The following WWOX variants were observed in gnomAD, a reference collection of about 807,000 sequenced individuals.
The protein encoded by WWOX is WW domain containing oxidoreductase.
WWOX carries 69 observed loss-of-function variants against 46.2 expected under a neutral mutation model. The ratio of observed to expected loss-of-function variants is 1.49; its 90% CI spans 1.23 to 1.82. WWOX has a LOEUF of 1.82. WWOX is among the 40% of genes most tolerant of loss of function. The pLI is 0.00. For synonymous variants in WWOX, 359 were observed against 202.6 expected (o/e 1.77, Z -6.56); for missense variants, 919 against 542.6 (o/e 1.69, Z -6.89).
rs986078026 is a variant in WWOX at position 78,100,163 on chromosome 16, A to T, written c.107+278A>T. 8 of 1,292,318 alleles carry T rather than the reference A, an allele frequency of 6.2e-6. No homozygotes were observed. The African/African-American group carries it at 1.3e-4, about 20-fold the overall frequency. The allele number at this position is 1,292,318 out of a possible 1,614,324, so 80.1% of individuals were successfully genotyped here. A position where few individuals can be genotyped will look rare whatever the true frequency, so the allele number is the denominator to read the frequency against. ...GGCGCGGCGAGGGCAAAGCGGCCTC[A>T]TCCCCGCCAAAAAATAAAGATGTTT... is the stretch of plus-strand genomic sequence containing the variant. On this transcript the variant is annotated intron_variant, in intron 1 of 8. Coordinates refer to ENST00000566780, the MANE Select transcript of WWOX (RefSeq NM_016373.4).
intron 8 of WWOX, among the ~76,000 whole-genome samples, chr16:78,798,554 A>G (rs914515094): frequency 4.0e-5 from 6 of 150,666 alleles, no homozygotes; most frequent in African/African-American, 1.5e-4. Context: ...TAGCTATGCA[A>G]TATATTCCTC....
At chr16:78,809,353 G>C (rs2051129892) in intron 8 of WWOX, among the ~76,000 whole-genome samples, 2 of 148,602 alleles carry the variant, frequency 1.3e-5, no homozygotes, top group African/African-American at 5.0e-5. Flanking sequence ...TGGTATTCTA[G>C]GAAGAAAAAA....
intron 8 of WWOX, among the ~76,000 whole-genome samples, chr16:78,953,827 G>A (rs1465670833): frequency 4.6e-5 from 7 of 152,128 alleles, no homozygotes; most frequent in African/African-American, 1.7e-4. Flanking sequence ...GGGCATGATC[G>A]AGCCACTCTC....
chr16:78,768,957 C>A (rs947297054), intron 8 of WWOX, among the ~76,000 whole-genome samples: 1 of 152,128 alleles, frequency 6.6e-6, no homozygotes, highest in Non-Finnish European at 1.5e-5. Context: ...TTTTGAGCAT[C>A]AGAATAAAAC....
At chr16:78,776,081 C>T (rs887404074) in intron 8 of WWOX, among the ~76,000 whole-genome samples, 3 of 152,194 alleles carry the variant, frequency 2.0e-5, no homozygotes, top group Non-Finnish European at 2.9e-5. Context: ...TTCAGAAAAC[C>T]TTATTCCAAC....
chr16:78,247,192 G>A (rs972532712), intron 5 of WWOX, among the ~76,000 whole-genome samples: 11 of 151,912 alleles, frequency 7.2e-5, no homozygotes, highest in East Asian at 1.9e-4. Context: ...GGTGCCAAGA[G>A]GGGGTGTGAT....
rs566575846 is a variant in WWOX, at chr16:78,432,366, A to G, written c.792-122A>G. The G allele has an allele frequency of 4.2e-5, 57 of 1,362,758 alleles. No homozygotes were observed. The East Asian group carries it at 1.3e-3, about 31-fold the overall frequency. The allele number at this position is 1,362,758 out of a possible 1,614,324, so 84.4% of individuals were successfully genotyped here. On this transcript the variant is annotated intron_variant, in intron 7 of 8. Transcript: ENST00000566780. Reference sequence around the variant, plus strand: ...GGTGATCCACTCGTCTAAGACTCCCAAAGTGCTCGGATTACAGATGTGAGC... The same window carrying G: ...GGTGATCCACTCGTCTAAGACTCCCGAAGTGCTCGGATTACAGATGTGAGC...
chr16:78,391,625 A>G (rs1168989148), intron 6 of WWOX, among the ~76,000 whole-genome samples: 4 of 152,284 alleles, frequency 2.6e-5, no homozygotes, highest in Middle Eastern at 6.8e-3. Context: ...CAGTGGGTGG[A>G]TTGCTTGAGG....
intron 8 of WWOX, among the ~76,000 whole-genome samples, chr16:78,833,197 G>C (rs1026030153): frequency 2.0e-5 from 3 of 152,034 alleles, no homozygotes; most frequent in South Asian, 4.1e-4. Flanking sequence ...ATGCACTCCT[G>C]TGCTTGGTTA....
At chr16:78,496,423 T>G (rs2084920446) in intron 8 of WWOX, 1 of 152,232 alleles carries the variant, frequency 6.6e-6, no homozygotes, top group South Asian at 2.1e-4. Context: ...ATTTCCTATC[T>G]GTGATGACCT....
intron 8 of WWOX, among the ~76,000 whole-genome samples, chr16:78,508,623 A>G (rs929937788): frequency 1.3e-5 from 2 of 152,182 alleles, no homozygotes; most frequent in African/African-American, 4.8e-5. Context: ...TCAGAGCACA[A>G]TGATGTTGCT....
At chr16:78,283,369 C>G (rs1263360510) in intron 5 of WWOX, among the ~76,000 whole-genome samples, 2 of 152,160 alleles carry the variant, frequency 1.3e-5, no homozygotes, top group Non-Finnish European at 2.9e-5. Context: ...AACCTTTCAT[C>G]CCGCCCTCGG....
In WWOX at chr16:78,335,596, G is replaced by A. The variant is rs566438577; in HGVS notation, c.517-51264G>A. Among the ~76,000 whole-genome samples, 11 of 152,102 alleles carry A rather than the reference G, an allele frequency of 7.2e-5. No homozygotes were observed. In the South Asian group the frequency reaches 2.3e-3, roughly 32 times the overall value. ...ATTTGACCCAGCAATCCCATTACTG[G>A]GTATGTAACCAAAGGAATAGAAATG... On this transcript the variant is annotated intron_variant, in intron 5 of 8. Coordinates refer to ENST00000566780, the MANE Select transcript of WWOX (RefSeq NM_016373.4).
chr16:78,632,446 T>G (rs889031846), intron 8 of WWOX, among the ~76,000 whole-genome samples: 4 of 151,916 alleles, frequency 2.6e-5, no homozygotes, highest in Admixed American at 6.6e-5. Flanking sequence ...GTTATTTTTT[T>G]GAAGAGGGTG....
intron 8 of WWOX, among the ~76,000 whole-genome samples, chr16:78,801,355 C>T (rs1220906761): frequency 1.3e-5 from 2 of 152,002 alleles, no homozygotes; most frequent in African/African-American, 4.8e-5. Flanking sequence ...ACTAAAAATA[C>T]AAAAATTAGC....
intron 5 of WWOX, among the ~76,000 whole-genome samples, chr16:78,289,300 C>T (rs537673358): frequency 2.6e-5 from 4 of 152,068 alleles, no homozygotes; most frequent in South Asian, 4.2e-4. Context: ...AAAACCTAGG[C>T]GAGGAGAGTT....
At chr16:78,133,033 C>T (rs1304833026) in intron 4 of WWOX, among the ~76,000 whole-genome samples, 1 of 152,096 alleles carries the variant, frequency 6.6e-6, no homozygotes, top group African/African-American at 2.4e-5. Flanking sequence ...AAATTCCAAG[C>T]AAACTTTTTA....
At chr16:78,835,153 G>T (rs540943425) in intron 8 of WWOX, among the ~76,000 whole-genome samples, 2 of 152,090 alleles carry the variant, frequency 1.3e-5, no homozygotes, top group Non-Finnish European at 1.5e-5. Flanking sequence ...ATCTTGCTCC[G>T]ACAGCCTTGC....
intron 8 of WWOX, among the ~76,000 whole-genome samples, chr16:78,864,510 C>T (rs2043959739): frequency 6.6e-6 from 1 of 152,090 alleles, no homozygotes; most frequent in East Asian, 1.9e-4. Context: ...ATCAGGAGAT[C>T]CGCCTGCCTT....
Sources: gnomAD v4.1 joint callset for allele counts (sites outside exome capture counted in the v4.1 genomes callset) on GRCh38, gnomAD v4.1.1 for gene constraint, MANE v1.5 for transcripts, NCBI Gene and HGNC (gene_info 2026-07-23, HGNC 2026-07-21) for gene names.